Variants in GABRG3 observed in about 807,000 individuals in gnomAD.
The protein encoded by GABRG3 is gamma-aminobutyric acid type A receptor subunit gamma3, also known as gamma-aminobutyric acid receptor subunit gamma-3.
Under a neutral mutation model 48.8 loss-of-function variants are expected in GABRG3, and 25 were observed. The observed-to-expected ratio is 0.51, with a 90% CI of 0.37 to 0.72. GABRG3 has a LOEUF of 0.72. GABRG3 is among the 30% of genes least tolerant of loss of function. GABRG3 has a pLI of 0.00. For synonymous variants in GABRG3, 227 were observed against 217.6 expected (o/e 1.04, Z -0.38); for missense variants, 394 against 577.9 (o/e 0.68, Z 3.26).
intron 3 of GABRG3, among the ~76,000 whole-genome samples, chr15:27,161,481 C>T (rs918776175): frequency 4.6e-5 from 7 of 152,114 alleles, no homozygotes; most frequent in Admixed American, 1.3e-4. Context: ...TGTCTGCATA[C>T]GTTTTTAATG....
intron 3 of GABRG3, among the ~76,000 whole-genome samples, chr15:27,321,619 C>T (rs1303551184): frequency 2.0e-5 from 3 of 152,166 alleles, no homozygotes; most frequent in African/African-American, 4.8e-5. Flanking sequence ...AGAAAACAGC[C>T]AGTGGCTTCT....
At chr15:27,122,106 A>T (rs905276909) in intron 3 of GABRG3, among the ~76,000 whole-genome samples, 5 of 152,190 alleles carry the variant, frequency 3.3e-5, no homozygotes, top group African/African-American at 1.2e-4. Flanking sequence ...AAAGAGTGTA[A>T]TTGGATTGTT....
intron 3 of GABRG3, chr15:27,027,219 A>T (rs1896000345): frequency 6.0e-6 from 1 of 165,306 alleles, no homozygotes; most frequent in Admixed American, 6.0e-5. Context: ...AAGCAAATTC[A>T]GCTCAAGAAC....
chr15:27,116,453 C>A (rs752630430), intron 3 of GABRG3, among the ~76,000 whole-genome samples: 1 of 152,150 alleles, frequency 6.6e-6, no homozygotes, highest in Non-Finnish European at 1.5e-5. Flanking sequence ...GAAACATCCA[C>A]TATCTACCTA....
intron 3 of GABRG3, among the ~76,000 whole-genome samples, chr15:27,070,329 A>G (rs1259974583): frequency 6.6e-6 from 1 of 152,222 alleles, no homozygotes; most frequent in East Asian, 1.9e-4. Flanking sequence ...GAACATTATC[A>G]AGAGGTTATG....
At chr15:27,517,159 C>A (rs1032804233) in intron 6 of GABRG3, among the ~76,000 whole-genome samples, 5 of 152,028 alleles carry the variant, frequency 3.3e-5, no homozygotes, top group Admixed American at 3.3e-4. Flanking sequence ...CACTCCTCCA[C>A]GCATGTGCCC....
intron 4 of GABRG3, among the ~76,000 whole-genome samples, chr15:27,328,456 A>G (rs1027762366): frequency 6.6e-6 from 1 of 152,258 alleles, no homozygotes; most frequent in Non-Finnish European, 1.5e-5. Flanking sequence ...AGATAAACAC[A>G]CCAGTTTCCA....
At chr15:27,492,696 G>A (rs1890384856) in intron 6 of GABRG3, among the ~76,000 whole-genome samples, 1 of 152,196 alleles carries the variant, frequency 6.6e-6, no homozygotes, top group Admixed American at 6.5e-5. Flanking sequence ...ATTTGTTCAA[G>A]ACATATATTC....
chr15:27,182,957 G>A (rs768374869), intron 3 of GABRG3, among the ~76,000 whole-genome samples: 4 of 152,144 alleles, frequency 2.6e-5, no homozygotes, highest in Non-Finnish European at 5.9e-5. Flanking sequence ...CAAATAGAGC[G>A]AAAACAATAG....
intron 5 of GABRG3, among the ~76,000 whole-genome samples, chr15:27,338,862 C>T (rs28649825): frequency 0.89 from 136,209 of 152,274 alleles, 61,212 homozygotes; most frequent in East Asian, 1. Flanking sequence ...TTCTAAACTC[C>T]TGTTGATGTG....
chr15:27,159,647 C>G (rs146395810), intron 3 of GABRG3, among the ~76,000 whole-genome samples: 1 of 152,132 alleles, frequency 6.6e-6, no homozygotes, highest in Admixed American at 6.5e-5. Flanking sequence ...AAACGCTAGA[C>G]TTTCCCTGTC....
intron 3 of GABRG3, among the ~76,000 whole-genome samples, chr15:27,111,202 T>A (rs1897542256): frequency 6.6e-6 from 1 of 152,220 alleles, no homozygotes; most frequent in African/African-American, 2.4e-5. Flanking sequence ...AGAAGCATTC[T>A]TCATTTTTCT....
intron 2 of GABRG3, among the ~76,000 whole-genome samples, chr15:27,009,252 G>A (rs930268933): frequency 6.6e-6 from 1 of 152,192 alleles, no homozygotes; most frequent in Admixed American, 6.5e-5. Flanking sequence ...CAAGCCGTCA[G>A]TGTTGTAATA....
intron 2 of GABRG3, among the ~76,000 whole-genome samples, chr15:27,015,309 AT>A (rs982674644): frequency 2.0e-5 from 3 of 148,642 alleles, no homozygotes; most frequent in Admixed American, 6.7e-5. Flanking sequence ...CATTTTGTTA[AT>A]TTTTTTTTCT....
chr15:27,305,474 G>A (rs920859672), intron 3 of GABRG3, among the ~76,000 whole-genome samples: 1 of 148,218 alleles, frequency 6.7e-6, no homozygotes, highest in Non-Finnish European at 1.5e-5. Flanking sequence ...TTGTGTGTGT[G>A]TGGTCTGTGT....
chr15:27,374,879 A>G (rs1167230027), intron 5 of GABRG3, among the ~76,000 whole-genome samples: 2 of 152,208 alleles, frequency 1.3e-5, no homozygotes, highest in African/African-American at 4.8e-5. Flanking sequence ...CTTGATGAAC[A>G]TCAACTGACA....
intron 3 of GABRG3, among the ~76,000 whole-genome samples, chr15:27,123,775 G>A (rs1897771420): frequency 6.6e-6 from 1 of 152,132 alleles, no homozygotes; most frequent in African/African-American, 2.4e-5. Flanking sequence ...ATACACACAC[G>A]AGGATGATAA....
At chr15:27,050,171 C>T (rs1298759882) in intron 3 of GABRG3, among the ~76,000 whole-genome samples, 1 of 152,182 alleles carries the variant, frequency 6.6e-6, no homozygotes, top group African/African-American at 2.4e-5. Flanking sequence ...TGGGCATGGA[C>T]TGAGATAGTC....
At chr15:27,463,096 AAT>A (rs1035473494) in intron 5 of GABRG3, among the ~76,000 whole-genome samples, 67 of 152,310 alleles carry the variant, frequency 4.4e-4, no homozygotes, top group African/African-American at 1.4e-3. Context: ...TATTAAAATT[AAT>A]ATATGTTTTG....
Sources: gnomAD v4.1 joint callset for allele counts (sites outside exome capture counted in the v4.1 genomes callset) on GRCh38, gnomAD v4.1.1 for gene constraint, MANE v1.5 for transcripts, NCBI Gene and HGNC (gene_info 2026-07-23, HGNC 2026-07-21) for gene names.